Variants in MED15 observed in about 807,000 individuals in gnomAD.
MED15 encodes mediator of RNA polymerase II transcription subunit 15.
Under a neutral mutation model 118.7 loss-of-function variants are expected in MED15, and 41 were observed. That is an observed-to-expected ratio of 0.35 (90% CI 0.27 to 0.45). The LOEUF is 0.45. Among genes scored for constraint, MED15 ranks in the 20% least tolerant of loss-of-function variants. The pLI, the probability that MED15 is intolerant of heterozygous loss-of-function variation, is 1.00. For missense variants in MED15, 740 were observed against 1,025.5 expected (o/e 0.72, Z 3.80); for synonymous variants, 436 against 413.9 (o/e 1.05, Z -0.65).
Position 20,538,451 on chromosome 22 carries a change from T to G in MED15, c.156+1247T>G, listed in dbSNP as rs12166733. On this transcript the variant is annotated intron_variant, in intron 2 of 17. Coordinates refer to ENST00000263205, the MANE Select transcript of MED15 (RefSeq NM_001003891.3). Reference sequence around the variant, plus strand: ...TTTTTGTGGAGACGAGGTCCCACTATGTTGCCCAGGCTAGTCTTGAACTCC... The same window carrying G: ...TTTTTGTGGAGACGAGGTCCCACTAGGTTGCCCAGGCTAGTCTTGAACTCC... Among the ~76,000 whole-genome samples the G allele has an allele frequency of 6.6e-3, 1,005 of 152,238 alleles. 11 individuals carry two copies. Among genetic ancestry groups the G allele is most frequent in the African/African-American group, 0.022 (929 of 41,538 alleles).
chr22:20,547,465 A>G (rs1569204543), intron 2 of MED15, among the ~76,000 whole-genome samples: 1 of 152,108 alleles, frequency 6.6e-6, no homozygotes, highest in Non-Finnish European at 1.5e-5. Context: ...ACACTTTTGG[A>G]GGTTGGGGAC....
intron 1 of MED15, among the ~76,000 whole-genome samples, chr22:20,534,171 A>G (rs575769001): frequency 1.3e-5 from 2 of 150,340 alleles, no homozygotes; most frequent in South Asian, 4.2e-4. Flanking sequence ...CAGCCTCCCC[A>G]CTCCTTACAC....
intron 2 of MED15, chr22:20,550,914 A>G (rs1318755743): frequency 2.9e-6 from 1 of 350,042 alleles, no homozygotes; most frequent in East Asian, 7.6e-5. Flanking sequence ...ATGAACACAG[A>G]TTCTCCCGGA....
At chr22:20,517,700 G>T (rs2054302616) in intron 1 of MED15, among the ~76,000 whole-genome samples, 2 of 152,158 alleles carry the variant, frequency 1.3e-5, no homozygotes, top group African/African-American at 4.8e-5. Context: ...GATCTGTCCA[G>T]TGCCAGTTTC....
chr22:20,530,668 A>G (rs2054821105), intron 1 of MED15, among the ~76,000 whole-genome samples: 1 of 152,122 alleles, frequency 6.6e-6, no homozygotes, highest in African/African-American at 2.4e-5. Context: ...CGGTTGTGGA[A>G]GGAAGAGTCA....
At chr22:20,532,952 G>T (rs1438565777) in intron 1 of MED15, among the ~76,000 whole-genome samples, 1 of 152,116 alleles carries the variant, frequency 6.6e-6, no homozygotes, top group East Asian at 1.9e-4. Flanking sequence ...CCATGTTGGG[G>T]GCTGTCTCCT....
At chr22:20,560,202 ACAGT>A (rs773136172) in intron 5 of MED15, among the ~76,000 whole-genome samples, 37 of 151,950 alleles carry the variant, frequency 2.4e-4, no homozygotes, top group South Asian at 4.1e-4. Flanking sequence ...GTAAAATAAA[ACAGT>A]CAGGCTAACC....
intron 2 of MED15, among the ~76,000 whole-genome samples, chr22:20,546,688 T>C (rs1470351729): frequency 6.6e-6 from 1 of 152,074 alleles, no homozygotes; most frequent in Non-Finnish European, 1.5e-5. Flanking sequence ...CTCAGGGCTG[T>C]GTATCTGGGG....
chr22:20,531,737 A>G (rs2146418817), intron 1 of MED15, among the ~76,000 whole-genome samples: 1 of 152,378 alleles, frequency 6.6e-6, no homozygotes, highest in African/African-American at 2.4e-5. Flanking sequence ...CACTGCACAC[A>G]AAAGTGGACG....
At chr22:20,584,719 G>A (rs2057083212) in intron 14 of MED15, 136 bp from the exon 15 acceptor site, 1 of 1,132,306 alleles carries the variant, frequency 8.8e-7, no homozygotes, top group African/African-American at 1.5e-5. Context: ...AGCCAACATT[G>A]TCTGCACAAG....
At chr22:20,508,160 A>G in intron 1 of MED15, 1 of 1,216,720 alleles carries the variant, frequency 8.2e-7, no homozygotes, top group Non-Finnish European at 1.0e-6. Flanking sequence ...AAAGAAAGTG[A>G]TGGGAGGAGG....
chr22:20,523,924 A>G, intron 1 of MED15: 1 of 844,852 alleles, frequency 1.2e-6, no homozygotes, highest in Non-Finnish European at 1.4e-6. Context: ...AGAAAGCGTC[A>G]TCAAGCAGCC....
chr22:20,584,558 G>A (rs1223563450), intron 14 of MED15, 133 bp downstream of exon 14: 5 of 1,107,082 alleles, frequency 4.5e-6, no homozygotes, highest in Admixed American at 2.0e-5. Flanking sequence ...TGCCCACGAG[G>A]CTTCCTGGCC....
At chr22:20,560,861 C>T (rs2056209166) in intron 5 of MED15, among the ~76,000 whole-genome samples, 1 of 152,116 alleles carries the variant, frequency 6.6e-6, no homozygotes, top group Admixed American at 6.5e-5. Context: ...GAGGCTGTAT[C>T]CCTAGCCTCA....
intron 1 of MED15, among the ~76,000 whole-genome samples, chr22:20,528,746 C>G (rs1257986727): frequency 6.6e-6 from 1 of 152,226 alleles, no homozygotes; most frequent in East Asian, 1.9e-4. Flanking sequence ...GTGCATCGAT[C>G]TAGTCACTTA....
chr22:20,521,788 C>G (rs1268116567), intron 1 of MED15, among the ~76,000 whole-genome samples: 1 of 150,370 alleles, frequency 6.7e-6, no homozygotes, highest in Non-Finnish European at 1.5e-5. Flanking sequence ...TGTGGTGGCT[C>G]AATCTCACCT....
At chr22:20,508,138 G>A in intron 1 of MED15, 4 of 1,230,402 alleles carry the variant, frequency 3.3e-6, no homozygotes, top group Admixed American at 3.6e-5. Flanking sequence ...CCAGAAAAGC[G>A]CATCAACGGT....
intron 2 of MED15, among the ~76,000 whole-genome samples, chr22:20,539,081 T>C (rs1365015009): frequency 6.6e-6 from 1 of 152,132 alleles, no homozygotes; most frequent in East Asian, 1.9e-4. Flanking sequence ...CCATGAACCA[T>C]GTTTGGTATA....
In MED15 at chr22:20,542,096, A is replaced by G. The variant is rs1236931243; in HGVS notation, c.156+4892A>G. 2.6e-5 allele frequency among the ~76,000 whole-genome samples: 4 copies of G among 152,318 alleles called. No homozygotes were observed. In the East Asian group the frequency reaches 7.7e-4, roughly 29 times the overall value. On this transcript the variant is annotated intron_variant, in intron 2 of 17. Coordinates refer to ENST00000263205, the MANE Select transcript of MED15 (RefSeq NM_001003891.3). ...AGGGGTGAGCCACCGTGCCTGGCAGAGAAATTAGAATTCTCATACATTGCT... is the reference window on the plus strand; with the variant it reads ...AGGGGTGAGCCACCGTGCCTGGCAGGGAAATTAGAATTCTCATACATTGCT...
Sources: allele counts gnomAD v4.1 joint callset (sites outside exome capture counted in the v4.1 genomes callset), GRCh38; gene constraint gnomAD v4.1.1; transcripts MANE v1.5; gene names NCBI Gene and HGNC (gene_info 2026-07-23, HGNC 2026-07-21).